Variants in PIGQ observed in about 807,000 individuals in gnomAD.
The protein encoded by PIGQ is phosphatidylinositol glycan anchor biosynthesis class Q, also known as phosphatidylinositol N-acetylglucosaminyltransferase subunit Q.
PIGQ carries 54 observed loss-of-function variants against 60.3 expected under a neutral mutation model. The observed-to-expected ratio is 0.90, with a 90% CI of 0.72 to 1.12. The LOEUF is 1.12. Ranked by LOEUF, PIGQ falls within the 50% of genes most tolerant of loss-of-function variation. The probability of loss-of-function intolerance (pLI) is 0.00; values close to 1 mark genes in which losing one functional copy is unlikely to be tolerated. For missense variants in PIGQ, 799 were observed against 793.5 expected (o/e 1.01, Z -0.08); for synonymous variants, 416 against 363.7 (o/e 1.14, Z -1.64).
chr16:573,139 G>A (rs1421253368), intron 1 of PIGQ, among the ~76,000 whole-genome samples: 1 of 152,214 alleles, frequency 6.6e-6, no homozygotes. Flanking sequence ...GGGGAGGAGA[G>A]GCCCAGGGCC....
rs59948933 is a variant in PIGQ at position 581,760 on chromosome 16, C to CT, written c.1532-468dup. 5.6e-3 allele frequency: 465 copies of CT among 82,992 alleles called. 13 individuals are homozygous for CT. Among genetic ancestry groups the CT allele is most frequent in the Middle Eastern group, 0.011 (1 of 92 alleles). The allele number at this position is 82,992 out of a possible 1,614,324, so 5.1% of individuals were successfully genotyped here. The stretch of plus-strand genomic sequence containing the variant: ...TACAGGCACGAGCCACCGTGCCCGG[C>CT]TTTTTTTTTTTTTTTTTTTTGAGAT... On this transcript the variant is annotated intron_variant, in intron 9 of 10. Transcript: ENST00000321878.
rs1319561953 is a variant in PIGQ at position 583,356 on chromosome 16, A to T, written c.*321A>T. On this transcript the variant is annotated 3_prime_UTR_variant, in exon 11 of 11. Transcript: ENST00000321878. ...GCACTGCCCCATGCCCACCCTGTGT[A>T]CCCAGGTCCAGAGGGTCCGTCCACC... 2 of 1,612,000 alleles carry T rather than the reference A, an allele frequency of 1.2e-6. No homozygotes were observed. The highest frequency in any genetic ancestry group is 1.3e-5 in the African/African-American group (1 of 74,968).
rs750773414 is a variant in PIGQ, at chr16:583,460, T to C, written c.*425T>C. ...CCCTGGCTGTGGGGGTGGAGGGACC[T>C]TGCCAGGATGAACCCCCCAGTCCCA... On this transcript the variant is annotated 3_prime_UTR_variant, in exon 11 of 11. Coordinates refer to ENST00000321878, the MANE Select transcript of PIGQ (RefSeq NM_004204.5). 2.1e-5 allele frequency: 34 copies of C among 1,612,496 alleles called. No homozygotes were observed. Among genetic ancestry groups the C allele is most frequent in the Non-Finnish European group, 2.8e-5 (33 of 1,179,910 alleles).
At chr16:573,188 G>A (rs2035662939) in intron 1 of PIGQ, among the ~76,000 whole-genome samples, 1 of 152,250 alleles carries the variant, frequency 6.6e-6, no homozygotes, top group Admixed American at 6.5e-5. Flanking sequence ...CTACTCAACA[G>A]CCACCTTGGA....
chr16:576,317 G>A, intron 4 of PIGQ, 63 bp downstream of exon 4: 4 of 1,501,108 alleles, frequency 2.7e-6, no homozygotes, highest in Non-Finnish European at 3.6e-6. Context: ...CTGGGCAGCA[G>A]AGCCTTCCCG....
chr16:579,280 C>CTTGT, intron 7 of PIGQ, 100 bp downstream of exon 7: 1 of 887,362 alleles, frequency 1.1e-6, no homozygotes, highest in Non-Finnish European at 1.8e-6. Flanking sequence ...AGCCTGCTCC[C>CTTGT]GTCCTGCAGC....
Position 580,992 on chromosome 16 carries a change from C to G in PIGQ, c.1531+20C>G, listed in dbSNP as rs1372991815. 12 of 1,516,824 alleles carry G rather than the reference C, an allele frequency of 7.9e-6. No individual in the cohort carries two copies. Among genetic ancestry groups the G allele is most frequent in the African/African-American group, 1.4e-5 (1 of 73,166 alleles). The allele number at this position is 1,516,824 out of a possible 1,614,324, so 94.0% of individuals were successfully genotyped here. A position where few individuals can be genotyped will look rare whatever the true frequency, so the allele number is the denominator to read the frequency against. On this transcript the variant is annotated intron_variant, in intron 9 of 10. Transcript: ENST00000321878. ...TGGCGGGTAAGTGCTGCGTATTGGGCAGCTGGCCCTGGGTAGGTGGAGGGG... is the reference window on the plus strand; with the variant it reads ...TGGCGGGTAAGTGCTGCGTATTGGGGAGCTGGCCCTGGGTAGGTGGAGGGG...
At position 575,975 on chromosome 16, in the gene PIGQ, G is replaced by T; in HGVS notation, c.821+5G>T. The T allele has an allele frequency of 6.3e-7, 1 of 1,580,914 alleles. No individual in the cohort carries two copies. The highest frequency in any genetic ancestry group is 2.3e-5 in the East Asian group (1 of 43,488). On this transcript the variant is annotated splice_donor_5th_base_variant and intron_variant, in intron 3 of 10. Transcript: ENST00000321878. The stretch of plus-strand genomic sequence containing the variant: ...GAACCCTGCCCAGCTGATGAGGTGT[G>T]GGCCTGCCCTGGTCTCTGCAGGGCT...
intron 7 of PIGQ, 63 bp downstream of exon 7, chr16:579,243 C>T (rs1352140304): frequency 7.2e-6 from 10 of 1,381,548 alleles, no homozygotes; most frequent in Admixed American, 1.7e-5. Flanking sequence ...GCTGGGCCAG[C>T]GCGGTGCTTG....
At chr16:582,785 G>C in intron 10 of PIGQ, 98 bp from the exon 11 acceptor site, 1 of 1,285,064 alleles carries the variant, frequency 7.8e-7, no homozygotes, top group Non-Finnish European at 1.1e-6. Context: ...GTCTGAGACA[G>C]CACTGGCCCT....
chr16:583,361 G>A lies in PIGQ; in HGVS notation c.*326G>A. The stretch of plus-strand genomic sequence containing the variant: ...GCCCCATGCCCACCCTGTGTACCCA[G>A]GTCCAGAGGGTCCGTCCACCACAGC... On this transcript the variant is annotated 3_prime_UTR_variant, in exon 11 of 11. Transcript: ENST00000321878. The A allele has an allele frequency of 6.2e-7, 1 of 1,612,542 alleles. No individual in the cohort carries two copies. Among genetic ancestry groups the A allele is most frequent in the African/African-American group, 1.3e-5 (1 of 75,024 alleles).
In PIGQ at chr16:583,529, G is replaced by A. The variant is rs1213771447; in HGVS notation, c.*494G>A. 1 of 1,612,608 alleles carries A rather than the reference G, an allele frequency of 6.2e-7. No homozygotes were observed. Among genetic ancestry groups the A allele is most frequent in the South Asian group, 1.1e-5 (1 of 91,076 alleles). On this transcript the variant is annotated 3_prime_UTR_variant, in exon 11 of 11. Coordinates refer to ENST00000321878, the MANE Select transcript of PIGQ (RefSeq NM_004204.5). ...CAGCCGAACAGCACCCTGCATCTGG[G>A]GGATTGAAGCAGTCGCTGACCCCCG...
chr16:573,685 G>T (rs550167035), intron 1 of PIGQ, among the ~76,000 whole-genome samples: 1 of 152,188 alleles, frequency 6.6e-6, no homozygotes, highest in Non-Finnish European at 1.5e-5. Flanking sequence ...TCTCTAATCA[G>T]GTTTCTTAAA....
chr16:580,510 G>T, intron 8 of PIGQ: 1 of 549,526 alleles, frequency 1.8e-6, no homozygotes, highest in South Asian at 2.5e-5. Context: ...CCCACGGCAG[G>T]TGGGGTCACG....
At position 578,938 on chromosome 16, in the gene PIGQ, G is replaced by GGTGGGC. The variant is rs745620018; in HGVS notation, c.1223+7_1223+12dup. ...TACTGCTTTTACGTCTATGGAGCCA[G>GGTGGGC]GTGGGCGTGGGCTTCCCCCTCCCCA... On this transcript the variant is annotated inframe_insertion and splice_region_variant. Transcript: ENST00000321878. 1 of 1,610,042 alleles carries GGTGGGC rather than the reference G, an allele frequency of 6.2e-7. No individual in the cohort carries two copies. Among genetic ancestry groups the GGTGGGC allele is most frequent in the Non-Finnish European group, 8.5e-7 (1 of 1,179,032 alleles).
chr16:580,110 G>A, intron 7 of PIGQ, 73 bp from the exon 8 acceptor site: 3 of 1,154,100 alleles, frequency 2.6e-6, no homozygotes, highest in Non-Finnish European at 1.2e-6. Flanking sequence ...CCGGGATGGG[G>A]GAGGGCACAG....
Position 580,176 on chromosome 16 carries a change from C to T in PIGQ, c.1336-7C>T. The T allele has an allele frequency of 1.2e-6, 2 of 1,609,034 alleles. No individual in the cohort carries two copies. The highest frequency in any genetic ancestry group is 1.7e-6 in the Non-Finnish European group (2 of 1,177,124). On this transcript the variant is annotated splice_region_variant and splice_polypyrimidine_tract_variant and intron_variant, in intron 7 of 10. Transcript: ENST00000321878. ...CTGATGCCCGGTGTGCTGGCCCCTCCCTACAGCTGTTCATCGGGACTCTGC... is the reference window on the plus strand; with the variant it reads ...CTGATGCCCGGTGTGCTGGCCCCTCTCTACAGCTGTTCATCGGGACTCTGC...
chr16:578,589 C>T (rs1470993215), intron 5 of PIGQ, 84 bp downstream of exon 5: 2 of 1,490,334 alleles, frequency 1.3e-6, no homozygotes, highest in Non-Finnish European at 1.8e-6. Flanking sequence ...GCCCCCTGTG[C>T]CCCCAACTCT....
chr16:583,829 T>C lies in PIGQ; in HGVS notation c.*794T>C, dbSNP rs765122813. The C allele has an allele frequency of 1.9e-5, 13 of 687,294 alleles. No homozygotes were observed. The highest frequency in any genetic ancestry group is 1.8e-4 in the South Asian group (11 of 60,774). The allele number at this position is 687,294 out of a possible 1,614,324, so 42.6% of individuals were successfully genotyped here. ...GGAAGCCCTGCTGTGCAGACACCTC[T>C]GTGGCCCCCCAGGAGTGTGAGTGGC... On this transcript the variant is annotated 3_prime_UTR_variant, in exon 11 of 11. Coordinates refer to ENST00000321878, the MANE Select transcript of PIGQ (RefSeq NM_004204.5).
Sources: gnomAD v4.1 joint callset for allele counts (sites outside exome capture counted in the v4.1 genomes callset) on GRCh38, gnomAD v4.1.1 for gene constraint, MANE v1.5 for transcripts, NCBI Gene and HGNC (gene_info 2026-07-23, HGNC 2026-07-21) for gene names.